The following ZNF536 variants were observed in gnomAD, a reference collection of about 807,000 sequenced individuals.
The protein encoded by ZNF536 is zinc finger protein 536.
ZNF536 carries 13 observed loss-of-function variants against 84.5 expected under a neutral mutation model. The ratio of observed to expected loss-of-function variants is 0.15; its 90% confidence interval spans 0.10 to 0.24. The LOEUF (loss-of-function observed/expected upper bound fraction) is 0.24, where lower values mean the gene tolerates loss of function less well. Ranked by LOEUF, ZNF536 falls within the 10% of genes least tolerant of loss-of-function variation. ZNF536 has a pLI of 1.00. For missense variants in ZNF536, 1,536 were observed against 1,747.5 expected (o/e 0.88, Z 2.16); for synonymous variants, 811 against 742.5 (o/e 1.09, Z -1.50).
chr19:30,466,499 G>T (rs2148475874), intron 2 of ZNF536, among the ~76,000 whole-genome samples: 1 of 151,832 alleles, frequency 6.6e-6, no homozygotes, highest in South Asian at 2.1e-4. Context: ...AGGAGGTTGA[G>T]GCTGCAGTGA....
At chr19:30,381,438 G>A (rs1173648488) in intron 1 of ZNF536, among the ~76,000 whole-genome samples, 3 of 152,200 alleles carry the variant, frequency 2.0e-5, no homozygotes, top group Non-Finnish European at 4.4e-5. Flanking sequence ...CATTCAGATG[G>A]GGTGGTCTTG....
At chr19:30,440,845 C>G (rs892042906) in intron 1 of ZNF536, among the ~76,000 whole-genome samples, 2 of 150,580 alleles carry the variant, frequency 1.3e-5, no homozygotes, top group Non-Finnish European at 3.0e-5. Context: ...ATTTAAAGAC[C>G]TTAAAGAGAT....
chr19:30,499,105 G>A (rs2054843513), intron 2 of ZNF536, among the ~76,000 whole-genome samples: 1 of 145,138 alleles, frequency 6.9e-6, no homozygotes, highest in African/African-American at 2.6e-5. Context: ...TTAATAAATT[G>A]CTACATTATT....
chr19:30,303,328 C>G (rs1019605408), intron 2 of ZNF536, among the ~76,000 whole-genome samples: 7 of 152,276 alleles, frequency 4.6e-5, no homozygotes, highest in African/African-American at 1.7e-4. Context: ...CCATGGCAGG[C>G]TCTATGTGAT....
intron 2 of ZNF536, among the ~76,000 whole-genome samples, chr19:30,465,326 C>A (rs1488265016): frequency 6.6e-6 from 1 of 152,170 alleles, no homozygotes; most frequent in East Asian, 1.9e-4. Context: ...TTTCCAGGGA[C>A]CTTAGTAGGA....
intron 1 of ZNF536, among the ~76,000 whole-genome samples, chr19:30,429,603 G>A (rs776404567): frequency 7.2e-5 from 11 of 152,066 alleles, no homozygotes; most frequent in Non-Finnish European, 1.3e-4. Flanking sequence ...ATCCTTTTTC[G>A]AGTGAACAGT....
intron 1 of ZNF536, among the ~76,000 whole-genome samples, chr19:30,374,318 T>C (rs1029697058): frequency 1.3e-5 from 2 of 152,024 alleles, no homozygotes; most frequent in African/African-American, 2.4e-5. Flanking sequence ...ATATATATCT[T>C]AAATCTCCAT....
chr19:30,514,244 C>G (rs924539831), intron 2 of ZNF536, among the ~76,000 whole-genome samples: 1 of 152,178 alleles, frequency 6.6e-6, no homozygotes, highest in Non-Finnish European at 1.5e-5. Context: ...CCACATCCAA[C>G]TGGGTGGTTA....
At chr19:30,253,795 G>T (rs773242796) in intron 1 of ZNF536, among the ~76,000 whole-genome samples, 1 of 152,080 alleles carries the variant, frequency 6.6e-6, no homozygotes, top group Non-Finnish European at 1.5e-5. Flanking sequence ...GTAATTGGTG[G>T]CATGTGGTCC....
chr19:30,365,326 C>T (rs751799368), intron 3 of ZNF536, among the ~76,000 whole-genome samples: 1 of 152,076 alleles, frequency 6.6e-6, no homozygotes, highest in Non-Finnish European at 1.5e-5. Flanking sequence ...TTTCCTTCTC[C>T]CCTCCCCTCT....
chr19:30,367,948 A>G (rs79851523), upstream of ZNF536, among the ~76,000 whole-genome samples: 2 of 152,008 alleles, frequency 1.3e-5, no homozygotes, highest in African/African-American at 4.8e-5. Flanking sequence ...GCATTTTCTC[A>G]TACTTGTTAA....
chr19:30,627,468 C>CAAAAAAAAAAAAAAAAAAAAAAAAA (rs569312789), intron 1 of ZNF536, among the ~76,000 whole-genome samples: 4 of 52,050 alleles, frequency 7.7e-5, no homozygotes, highest in Admixed American at 5.5e-4. Context: ...AAGGCCCTGT[C>CAAAAAAAAAAAAAAAAAAAAAAAAA]AAAAAAAAAA....
intron 2 of ZNF536, among the ~76,000 whole-genome samples, chr19:30,303,657 C>T (rs2046258584): frequency 6.6e-6 from 1 of 152,116 alleles, no homozygotes; most frequent in African/African-American, 2.4e-5. Flanking sequence ...TGCCGGCCAC[C>T]ACGCCCGGCT....
intron 2 of ZNF536, among the ~76,000 whole-genome samples, chr19:30,473,402 C>T (rs2053720389): frequency 6.6e-6 from 1 of 152,010 alleles, no homozygotes; most frequent in Non-Finnish European, 1.5e-5. Context: ...TTTTCCAAGA[C>T]CCTCAGTTGT....
chr19:30,583,625 T>C (rs1251525365), intron 1 of ZNF536, among the ~76,000 whole-genome samples: 5 of 152,068 alleles, frequency 3.3e-5, no homozygotes, highest in Non-Finnish European at 5.9e-5. Flanking sequence ...AGCCCCTGAG[T>C]GTCAGTAGGA....
chr19:30,552,915 G>T (rs1208142522), intron 4 of ZNF536, among the ~76,000 whole-genome samples: 1 of 152,184 alleles, frequency 6.6e-6, no homozygotes, highest in African/African-American at 2.4e-5. Flanking sequence ...AGCCATCTTG[G>T]ATTAAGCCAG....
chr19:30,605,990 C>T (rs1466254585), intron 1 of ZNF536, among the ~76,000 whole-genome samples: 1 of 151,724 alleles, frequency 6.6e-6, no homozygotes, highest in Non-Finnish European at 1.5e-5. Flanking sequence ...ATCCAGGTAG[C>T]CAGTCTTCTG....
intron 2 of ZNF536, among the ~76,000 whole-genome samples, chr19:30,456,592 T>A (rs1295089184): frequency 6.6e-6 from 1 of 152,172 alleles, no homozygotes; most frequent in African/African-American, 2.4e-5. Flanking sequence ...GCTAGGTAGT[T>A]CCCTATCACC....
intron 1 of ZNF536, among the ~76,000 whole-genome samples, chr19:30,628,947 C>T (rs1046115300): frequency 6.6e-5 from 10 of 152,208 alleles, no homozygotes; most frequent in African/African-American, 2.4e-4. Flanking sequence ...TTGTGATCTA[C>T]CTGCCTTGGC....
Sources: allele counts gnomAD v4.1 joint callset (sites outside exome capture counted in the v4.1 genomes callset), GRCh38; gene constraint gnomAD v4.1.1; transcripts MANE v1.5; gene names NCBI Gene and HGNC (gene_info 2026-07-23, HGNC 2026-07-21).